The following ABCC9 variants were observed in gnomAD, a reference collection of about 807,000 sequenced individuals.
ABCC9 encodes the protein ATP-binding cassette sub-family C member 9.
ABCC9 carries 95 observed loss-of-function variants against 188.3 expected under a neutral mutation model. The ratio of observed to expected loss-of-function variants is 0.50; its 90% CI spans 0.43 to 0.60. ABCC9 has a LOEUF of 0.60. Among genes scored for constraint, ABCC9 ranks in the 20% least tolerant of loss-of-function variants. ABCC9 has a pLI of 0.00. For missense variants in ABCC9, 1,102 were observed against 1,876.3 expected (o/e 0.59, Z 7.62); for synonymous variants, 659 against 652.7 (o/e 1.01, Z -0.15).
intron 2 of ABCC9, chr12:21,938,015 T>C (rs1949560234): frequency 2.0e-5 from 3 of 152,214 alleles, no homozygotes; most frequent in Non-Finnish European, 4.4e-5. Context: ...ACTAGCATAG[T>C]ACCTTTTCTT....
chr12:21,885,863 T>C lies in ABCC9; in HGVS notation c.1911+1963A>G, dbSNP rs1184456421. ...TATATAACCACAAGATTGCCTTTTTTAGCAGTTTTAAACATGATTTAAAAA... is the reference window on the plus strand; with the variant it reads ...TATATAACCACAAGATTGCCTTTTTCAGCAGTTTTAAACATGATTTAAAAA... On this transcript the variant is annotated intron_variant, in intron 15 of 39. Coordinates refer to ENST00000261200, the MANE Select transcript of ABCC9 (RefSeq NM_020297.4). Among the ~76,000 whole-genome samples, 3 of 152,198 alleles carry C rather than the reference T, an allele frequency of 2.0e-5. No homozygotes were observed. The South Asian group carries it at 6.2e-4, about 32-fold the overall frequency.
intron 22 of ABCC9, 67 bp from the exon 23 acceptor site, chr12:21,852,572 G>C (rs530601921): frequency 9.6e-6 from 15 of 1,568,498 alleles, no homozygotes; most frequent in Non-Finnish European, 1.1e-5. Flanking sequence ...AATTCCTCTC[G>C]AAAATAGTAA....
At chr12:21,860,274 T>C (rs142904017) in intron 21 of ABCC9, among the ~76,000 whole-genome samples, 19 of 152,270 alleles carry the variant, frequency 1.2e-4, no homozygotes, top group Non-Finnish European at 2.5e-4. Flanking sequence ...CTGCGGTATG[T>C]AGCAAAAAAG....
intron 18 of ABCC9, among the ~76,000 whole-genome samples, chr12:21,868,877 T>A (rs1945920279): frequency 6.6e-6 from 1 of 152,214 alleles, no homozygotes; most frequent in Non-Finnish European, 1.5e-5. Context: ...TATATGCCTT[T>A]ATTGGACTGG....
chr12:21,876,325 T>G (rs575474058), intron 16 of ABCC9, among the ~76,000 whole-genome samples: 1 of 151,780 alleles, frequency 6.6e-6, no homozygotes, highest in South Asian at 2.1e-4. Flanking sequence ...ATCTCTACAT[T>G]AATTATTTTC....
chr12:21,894,249 T>C, intron 13 of ABCC9, 75 bp from the exon 14 acceptor site: 1 of 1,498,884 alleles, frequency 6.7e-7, no homozygotes, highest in Non-Finnish European at 9.3e-7. Context: ...CCTAGAAACC[T>C]AACATATTCT....
Position 21,915,514 on chromosome 12 carries a change from A to ATATATATATTTTTTTTTTTTTTTTT in ABCC9, c.816+153_816+154insAAAAAAAAAAAAAAAAATATATATA. On this transcript the variant is annotated intron_variant, in intron 7 of 39. Coordinates refer to ENST00000261200, the MANE Select transcript of ABCC9 (RefSeq NM_020297.4). The stretch of plus-strand genomic sequence containing the variant: ...TGTGTGTGTGTGTATATATATATAT[A>ATATATATATTTTTTTTTTTTTTTTT]TTTTTTTTTTTTTTTTGAGACAGAG... 5.1e-3 allele frequency among the ~76,000 whole-genome samples: 18 copies of ATATATATATTTTTTTTTTTTTTTTT among 3,522 alleles called. 6 individuals are homozygous for ATATATATATTTTTTTTTTTTTTTTT. Among genetic ancestry groups the ATATATATATTTTTTTTTTTTTTTTT allele is most frequent in the East Asian group, 0.021 (1 of 48 alleles). 2.3% of individuals were successfully genotyped at this position (3,522 alleles called of 152,430 possible).
At chr12:21,832,290 G>T (rs1026250678) in intron 30 of ABCC9, among the ~76,000 whole-genome samples, 1 of 152,040 alleles carries the variant, frequency 6.6e-6, no homozygotes, top group Non-Finnish European at 1.5e-5. Context: ...CCCTCAATGC[G>T]GGGGAGGAAA....
intron 31 of ABCC9, among the ~76,000 whole-genome samples, chr12:21,826,900 T>C (rs1323305112): frequency 1.3e-5 from 2 of 151,998 alleles, no homozygotes; most frequent in Non-Finnish European, 2.9e-5. Context: ...TAAGGGAGAG[T>C]TCTAGTAATA....
rs1477103969 is a variant in ABCC9, at chr12:21,912,900, G to T, written c.983C>A (p.Thr328Asn). ...ISGIVQRVNE[T>N]QNGTNNTTGI... ...AGTTGTGTTATTTGTCCCATTCTGG[G>T]TTTCATTCACACGCTGAACTATTCC... Residue 328 changes from threonine to asparagine, a missense_variant, in exon 8 of 40, where the codon ACC (threonine) becomes AAC (asparagine). Thr to Asn is a moderately conservative substitution (Grantham distance 65, BLOSUM62 0). This residue lies in a region of ABCC9 where 305 missense variants were observed against 573.0 expected (regional missense o/e 0.53). Transcript: ENST00000261200. 1 of 1,613,282 alleles carries T rather than the reference G, an allele frequency of 6.2e-7. No individual in the cohort carries two copies. The highest frequency in any genetic ancestry group is 1.3e-5 in the African/African-American group (1 of 74,834).
rs367676188 is a variant in ABCC9 at position 21,910,562 on chromosome 12, C to T, written c.1165-250G>A. Among the ~76,000 whole-genome samples the T allele has an allele frequency of 1.7e-3, 251 of 151,952 alleles. 3 individuals are homozygous for T. In the South Asian group the frequency reaches 0.033, roughly 20 times the overall value. On this transcript the variant is annotated intron_variant, in intron 9 of 39. Transcript: ENST00000261200. ...ATAAAAACATGCATTAAACTTTAAG[C>T]ATAAGCCCTAGAACAAACAGAAAGA...
chr12:21,814,909 A>G (rs915484110), intron 34 of ABCC9, among the ~76,000 whole-genome samples, 187 bp from the exon 35 acceptor site: 1 of 152,220 alleles, frequency 6.6e-6, no homozygotes, highest in Non-Finnish European at 1.5e-5. Context: ...CAGGCTGGGC[A>G]CAATGGCTCA....
chr12:21,826,939 C>A (rs1476836791), intron 31 of ABCC9, among the ~76,000 whole-genome samples: 1 of 152,082 alleles, frequency 6.6e-6, no homozygotes, highest in African/African-American at 2.4e-5. Flanking sequence ...TGGAAGGATT[C>A]TAATACACAG....
At chr12:21,850,313 C>T (rs1190563014) in intron 24 of ABCC9, among the ~76,000 whole-genome samples, 2 of 152,026 alleles carry the variant, frequency 1.3e-5, no homozygotes, top group African/African-American at 2.4e-5. Context: ...ACAAAAACTT[C>T]CCCAAGGTAT....
chr12:21,910,159 G>C lies in ABCC9; in HGVS notation c.1318C>G (p.Gln440Glu), dbSNP rs1565474261. 2 of 1,609,178 alleles carry C rather than the reference G, an allele frequency of 1.2e-6. No homozygotes were observed. The highest frequency in any genetic ancestry group is 2.2e-5 in the South Asian group (2 of 90,948). Residue 440 changes from glutamine to glutamate, a missense_variant and splice_region_variant, in exon 10 of 40, where the codon CAG (glutamine) becomes GAG (glutamate). This residue lies in a region of ABCC9 where 305 missense variants were observed against 573.0 expected (regional missense o/e 0.53). Transcript: ENST00000261200. ...CTTACTTATATTTATCTACCTACCTGAACAGGCATAGCCCATAGATTGGGA... is the reference window on the plus strand; with the variant it reads ...CTTACTTATATTTATCTACCTACCTCAACAGGCATAGCCCATAGATTGGGA... ...LCPNLWAMPVQIIMGVILLYN... is the reference protein window; with the variant it reads ...LCPNLWAMPVEIIMGVILLYN...
At position 21,890,000 on chromosome 12, in the gene ABCC9, C is replaced by T. The variant is rs1215588361; in HGVS notation, c.1803-2066G>A. Among the ~76,000 whole-genome samples the T allele has an allele frequency of 3.3e-5, 5 of 152,026 alleles. No homozygotes were observed. In the South Asian group the frequency reaches 1.0e-3, roughly 32 times the overall value. On this transcript the variant is annotated intron_variant, in intron 14 of 39. Coordinates refer to ENST00000261200, the MANE Select transcript of ABCC9 (RefSeq NM_020297.4). ...TATCTCTCCCACTAGACTGTGAACTCGTTAGCAGCAAAGATTTTCATCTTT... is the reference window on the plus strand; with the variant it reads ...TATCTCTCCCACTAGACTGTGAACTTGTTAGCAGCAAAGATTTTCATCTTT...
chr12:21,871,495 A>T (rs1428612168), intron 18 of ABCC9, among the ~76,000 whole-genome samples: 6 of 151,870 alleles, frequency 4.0e-5, no homozygotes, highest in Admixed American at 3.3e-4. Context: ...ACAACCAAGA[A>T]TTTTTTTTTC....
intron 30 of ABCC9, among the ~76,000 whole-genome samples, chr12:21,831,846 G>T (rs1943776804): frequency 6.6e-6 from 1 of 152,140 alleles, no homozygotes; most frequent in Non-Finnish European, 1.5e-5. Flanking sequence ...AGGCCAGGTG[G>T]ACCAAAGCCA....
At chr12:21,927,943 G>C (rs999274385) in intron 4 of ABCC9, among the ~76,000 whole-genome samples, 1 of 152,154 alleles carries the variant, frequency 6.6e-6, no homozygotes, top group Non-Finnish European at 1.5e-5. Flanking sequence ...AATCTGGCTG[G>C]ACGTGGTGGC....
Sources: gnomAD v4.1 joint callset for allele counts (sites outside exome capture counted in the v4.1 genomes callset) on GRCh38, gnomAD v4.1.1 for gene constraint, gnomAD v4.1.1 regional missense constraint, MANE v1.5 for transcripts, NCBI Gene and HGNC (gene_info 2026-07-23, HGNC 2026-07-21) for gene names.